The following DNAH7 variants were observed in gnomAD, a reference collection of about 807,000 sequenced individuals.
The protein encoded by DNAH7 is axonemal beta dynein heavy chain 7.
A neutral mutation model predicts 444.6 loss-of-function variants in DNAH7; 397 were observed. The ratio of observed to expected loss-of-function variants is 0.89; its 90% CI spans 0.82 to 0.97. The LOEUF is 0.97. Ranked by LOEUF, DNAH7 falls within the 50% of genes least tolerant of loss-of-function variation. The probability of loss-of-function intolerance (pLI) is 0.00; values close to 1 mark genes in which losing one functional copy is unlikely to be tolerated. For missense variants in DNAH7, 4,902 were observed against 4,800.8 expected, an observed-to-expected ratio of 1.02 and a Z score of -0.62; for synonymous variants, 1,636 against 1,624.4, an observed-to-expected ratio of 1.01 and a Z score of -0.17.
intron 45 of DNAH7, among the ~76,000 whole-genome samples, chr2:195,853,980 C>G (rs1229158753): frequency 6.6e-6 from 1 of 152,078 alleles, no homozygotes; most frequent in African/African-American, 2.4e-5. Context: ...ATTTACAAAG[C>G]ACAATTTTCA....
At chr2:195,872,084 TCA>T (rs1285963271) in intron 40 of DNAH7, among the ~76,000 whole-genome samples, 164 bp downstream of exon 40, 1 of 151,944 alleles carries the variant, frequency 6.6e-6, no homozygotes, top group African/African-American at 2.4e-5. Context: ...ATAAAATATC[TCA>T]GTGTTAAATA....
At chr2:195,962,949 CTTGT>C (rs942385535) in intron 17 of DNAH7, among the ~76,000 whole-genome samples, 35 of 152,264 alleles carry the variant, frequency 2.3e-4, no homozygotes, top group African/African-American at 7.2e-4. Context: ...ACAGAATCGT[CTTGT>C]TTGTTATGGC....
chr2:195,881,653 T>TA (rs1701385337), intron 36 of DNAH7, 142 bp downstream of exon 36: 1 of 765,512 alleles, frequency 1.3e-6, no homozygotes, highest in African/African-American at 2.4e-5. Context: ...CAAAAAAAAA[T>TA]AAGTGGCAAT....
chr2:195,794,456 A>G lies in DNAH7; in HGVS notation c.10598T>C (p.Leu3533Pro), dbSNP rs1486155079. The change falls in exon 57 of 65, where the codon CTG (leucine) becomes CCG (proline). Residue 3533 changes from leucine to proline, a missense_variant. By Grantham distance (98) the Leu-to-Pro change is moderately conservative. Transcript: ENST00000312428. ...ATTGGTCATTTTCACTCCATTCTGC[A>G]GTACTGACACAGGGAAATTTGGAGA... is the stretch of plus-strand genomic sequence containing the variant. ...YPSPNFPVSVLQNGVKMTNEA... is the reference protein window; with the variant it reads ...YPSPNFPVSVPQNGVKMTNEA... The G allele has an allele frequency of 6.2e-7, 1 of 1,614,220 alleles. No individual in the cohort carries two copies. Among genetic ancestry groups the G allele is most frequent in the East Asian group, 2.2e-5 (1 of 44,886 alleles).
intron 17 of DNAH7, 117 bp from the exon 18 acceptor site, chr2:195,961,062 G>A: frequency 1.3e-6 from 1 of 761,924 alleles, no homozygotes; most frequent in Non-Finnish European, 1.9e-6. Flanking sequence ...AAGCCCTGAA[G>A]TTAAACTTCA....
chr2:195,911,895 G>C (rs963685535), intron 24 of DNAH7, among the ~76,000 whole-genome samples: 2 of 152,158 alleles, frequency 1.3e-5, no homozygotes, highest in African/African-American at 4.8e-5. Flanking sequence ...GGCAAAGCAA[G>C]AAGCACTGGT....
chr2:196,040,648 TG>T (rs1278866306), intron 5 of DNAH7, among the ~76,000 whole-genome samples: 2 of 152,172 alleles, frequency 1.3e-5, no homozygotes, highest in East Asian at 3.8e-4. Flanking sequence ...AATAGTTTTC[TG>T]TAAGATCTGG....
In DNAH7 at chr2:195,864,879, A is replaced by T. The variant is rs751952951; in HGVS notation, c.6776T>A (p.Met2259Lys). 4.8e-5 allele frequency: 77 copies of T among 1,613,908 alleles called. No homozygotes were observed. The highest frequency in any genetic ancestry group is 6.5e-5 in the Non-Finnish European group (77 of 1,180,020). Residue 2259 changes from methionine to lysine, a missense_variant, in exon 41 of 65, where the codon ATG becomes AAG. Met to Lys is a moderately conservative substitution (Grantham distance 95). Transcript: ENST00000312428. Reference sequence around the variant, plus strand: ...GCTGCGTAAGTCATCTGCTTCCACCATGCCATCATTATCAAAATCCAAACG... The same window carrying T: ...GCTGCGTAAGTCATCTGCTTCCACCTTGCCATCATTATCAAAATCCAAACG... ...FQRLDFDNDG[M>K]VEADDLRSLM...
intron 8 of DNAH7, among the ~76,000 whole-genome samples, chr2:196,022,085 C>T (rs1418889794): frequency 6.6e-6 from 1 of 152,044 alleles, no homozygotes; most frequent in African/African-American, 2.4e-5. Context: ...CAAGATCACA[C>T]CACTGCACTC....
At chr2:195,925,774 AT>A (rs1688291385) in intron 22 of DNAH7, among the ~76,000 whole-genome samples, 1 of 152,138 alleles carries the variant, frequency 6.6e-6, no homozygotes, top group African/African-American at 2.4e-5. Flanking sequence ...ACAGATCTAT[AT>A]TTGCTAGTTT....
At position 195,767,989 on chromosome 2, in the gene DNAH7, A is replaced by AT. The variant is rs1694664544; in HGVS notation, c.11433+3670dup. On this transcript the variant is annotated intron_variant, in intron 61 of 64. Transcript: ENST00000312428. The stretch of plus-strand genomic sequence containing the variant: ...AAAAAATTGAAGTATTTGATTGCTG[A>AT]TTAGATAAAAATATTACATTTAGGT... 3.3e-5 allele frequency among the ~76,000 whole-genome samples: 5 copies of AT among 151,868 alleles called. No individual in the cohort carries two copies. In the South Asian group the frequency reaches 1.0e-3, roughly 31 times the overall value.
At chr2:195,927,507 G>A (rs1033844616) in intron 21 of DNAH7, among the ~76,000 whole-genome samples, 11 of 151,100 alleles carry the variant, frequency 7.3e-5, no homozygotes, top group African/African-American at 2.7e-4. Context: ...AGAGAAGCAA[G>A]TAAATAAATA....
At chr2:196,045,981 C>T (rs1697097763) in intron 5 of DNAH7, among the ~76,000 whole-genome samples, 1 of 151,704 alleles carries the variant, frequency 6.6e-6, no homozygotes, top group South Asian at 2.1e-4. Context: ...TCAGTAAGTC[C>T]ATCTATATCC....
Position 195,806,817 on chromosome 2 carries a change from C to G in DNAH7, c.10099G>C (p.Val3367Leu). ...TTATCTTCCCATTCTTCAGGGAAAA[C>G]CTCATGGTGTGGTTCCTAAAATTAC... ...VYDSLEPHHEVFPEEWEDKAN... is the reference protein window; with the variant it reads ...VYDSLEPHHELFPEEWEDKAN... The change falls in exon 54 of 65, where the codon GTT (valine) becomes CTT (leucine). Residue 3367 changes from valine to leucine, a missense_variant. Physicochemically the swap from Val to Leu is conservative, Grantham distance 32. Coordinates refer to ENST00000312428, the MANE Select transcript of DNAH7 (RefSeq NM_018897.3). 6.2e-7 allele frequency: 1 copy of G among 1,613,206 alleles called. No homozygotes were observed. Among genetic ancestry groups the G allele is most frequent in the East Asian group, 2.2e-5 (1 of 44,810 alleles).
intron 9 of DNAH7, among the ~76,000 whole-genome samples, chr2:196,013,812 G>A (rs1423448825): frequency 6.6e-6 from 1 of 152,184 alleles, no homozygotes; most frequent in Non-Finnish European, 1.5e-5. Context: ...AACATGATCT[G>A]ATCTCTTTAG....
rs1332059691 is a variant in DNAH7 at position 195,864,333 on chromosome 2, T to G, written c.7322A>C (p.Asp2441Ala). The part of the protein sequence containing the change: ...QEICDKMRQL[D>A]RQRDKTKQTD... ...TTGCTTGGTTTTATCCCGCTGGCGA[T>G]CTAACTGACGCATCTTATCACATAT... The change falls in exon 41 of 65, where the codon GAT (aspartate) becomes GCT (alanine). Residue 2441 changes from aspartate (D) to alanine (A), a missense_variant. By Grantham distance (126) the Asp-to-Ala change is moderately radical (BLOSUM62 -2). Coordinates refer to ENST00000312428, the MANE Select transcript of DNAH7 (RefSeq NM_018897.3). The G allele has an allele frequency of 6.2e-7, 1 of 1,614,164 alleles. No individual in the cohort carries two copies. Among genetic ancestry groups the G allele is most frequent in the South Asian group, 1.1e-5 (1 of 91,076 alleles).
chr2:196,046,991 T>TTTCTA (rs754423416), intron 5 of DNAH7, among the ~76,000 whole-genome samples: 18 of 152,172 alleles, frequency 1.2e-4, no homozygotes, highest in Non-Finnish European at 2.1e-4. Context: ...CCCAATTCCT[T>TTTCTA]TTCTATACAA....
chr2:195,918,617 C>G (rs367753549), intron 24 of DNAH7, among the ~76,000 whole-genome samples: 5 of 152,058 alleles, frequency 3.3e-5, no homozygotes, highest in Non-Finnish European at 7.4e-5. Flanking sequence ...TGCAAAAAGA[C>G]ATGGAGGAAA....
At chr2:195,880,178 A>G (rs1396000624) in intron 36 of DNAH7, among the ~76,000 whole-genome samples, 1 of 152,180 alleles carries the variant, frequency 6.6e-6, no homozygotes, top group Non-Finnish European at 1.5e-5. Flanking sequence ...ATGGCGGACA[A>G]TAACCTCTAT....
Sources: gnomAD v4.1 joint callset for allele counts (sites outside exome capture counted in the v4.1 genomes callset) on GRCh38, gnomAD v4.1.1 for gene constraint, MANE v1.5 for transcripts, NCBI Gene and HGNC (gene_info 2026-07-23, HGNC 2026-07-21) for gene names.